The following TM9SF4 variants were observed in gnomAD, a reference collection of about 807,000 sequenced individuals.
The protein encoded by TM9SF4 is transmembrane 9 superfamily member 4, also known as dinucleotide oxidase disulfide thiol exchanger 3 superfamily member 4.
A neutral mutation model predicts 90.4 loss-of-function variants in TM9SF4; 26 were observed. The ratio of observed to expected loss-of-function variants is 0.29; its 90% CI spans 0.21 to 0.40. The LOEUF (loss-of-function observed/expected upper bound fraction) is 0.40, where lower values mean the gene tolerates loss of function less well. Among genes scored for constraint, TM9SF4 ranks in the 10% least tolerant of loss-of-function variants. The pLI, the probability that TM9SF4 is intolerant of heterozygous loss-of-function variation, is 1.00. For missense variants in TM9SF4, 549 were observed against 834.8 expected (o/e 0.66, Z 4.22); for synonymous variants, 293 against 315.4 (o/e 0.93, Z 0.75).
At chr20:32,149,593 C>T (rs763177802) in intron 9 of TM9SF4, 41 bp from the exon 10 acceptor site, 9 of 1,614,054 alleles carry the variant, frequency 5.6e-6, no homozygotes, top group South Asian at 4.4e-5. Flanking sequence ...AGAGCTGCCT[C>T]CATCTTCAAC....
intron 17 of TM9SF4, among the ~76,000 whole-genome samples, chr20:32,163,957 G>A (rs992788489): frequency 3.9e-4 from 60 of 152,068 alleles, no homozygotes; most frequent in Admixed American, 3.8e-3. Context: ...GGTGTTTTGA[G>A]TGTTCCTCAA....
At chr20:32,123,866 A>ATTTTTTTTTTT (rs1165240152) in intron 1 of TM9SF4, among the ~76,000 whole-genome samples, 64 of 93,788 alleles carry the variant, frequency 6.8e-4, no homozygotes, top group South Asian at 1.0e-3. Context: ...ATATATATAT[A>ATTTTTTTTTTT]TTTTTTTTTT....
chr20:32,160,176 A>T (rs1440700721), intron 16 of TM9SF4, 65 bp downstream of exon 16: 1 of 1,608,216 alleles, frequency 6.2e-7, no homozygotes, highest in East Asian at 2.2e-5. Flanking sequence ...CGGGTTGATG[A>T]GGCTCTGCGG....
At chr20:32,146,981 ACT>A in intron 9 of TM9SF4, 126 bp downstream of exon 9, 1 of 818,872 alleles carries the variant, frequency 1.2e-6, no homozygotes, top group Non-Finnish European at 1.8e-6. Context: ...AGTTTAGTAT[ACT>A]TTTTTTTTTT....
Position 32,146,775 on chromosome 20 carries a change from T to A in TM9SF4, c.884-10T>A. The A allele has an allele frequency of 6.2e-7, 1 of 1,613,970 alleles. No homozygotes were observed. Among genetic ancestry groups the A allele is most frequent in the African/African-American group, 1.3e-5 (1 of 75,034 alleles). ...CAACTTCTCCTCATCCTCACCGCCA[T>A]CTATTTCAGGTATCCTGAGCATGAT... On this transcript the variant is annotated splice_polypyrimidine_tract_variant and intron_variant, in intron 8 of 17. Transcript: ENST00000398022.
chr20:32,120,229 G>A (rs1440616697), intron 1 of TM9SF4, among the ~76,000 whole-genome samples: 1 of 152,068 alleles, frequency 6.6e-6, no homozygotes, highest in Non-Finnish European at 1.5e-5. Context: ...GATCAATTTG[G>A]AGAGAACTGA....
At chr20:32,114,341 T>C (rs2295035) in intron 1 of TM9SF4, among the ~76,000 whole-genome samples, 64,836 of 151,972 alleles carry the variant, frequency 0.43, 14,189 homozygotes, top group East Asian at 0.74. Context: ...TGTTTGTTAT[T>C]ATTATTTGAG....
At chr20:32,114,065 T>C (rs1261933173) in intron 1 of TM9SF4, among the ~76,000 whole-genome samples, 1 of 152,234 alleles carries the variant, frequency 6.6e-6, no homozygotes, top group Non-Finnish European at 1.5e-5. Flanking sequence ...AGTTGATGGA[T>C]ATTGGGATTG....
intron 1 of TM9SF4, among the ~76,000 whole-genome samples, chr20:32,114,939 C>T (rs748743045): frequency 2.6e-4 from 40 of 152,208 alleles, no homozygotes; most frequent in Admixed American, 2.1e-3. Context: ...TTGATGATTT[C>T]CAAATTCTGA....
Position 32,165,505 on chromosome 20 carries a change from GA to G in TM9SF4, c.*62del. 14 of 1,585,062 alleles carry G rather than the reference GA, an allele frequency of 8.8e-6. 1 individual carries two copies. In the South Asian group the frequency reaches 1.6e-4, roughly 18 times the overall value. ...GGACAGGAAGCCACCCTGCGTGGGGGACTGCAGGCACGCAAAATAAAATAAC... is the reference window on the plus strand; with the variant it reads ...GGACAGGAAGCCACCCTGCGTGGGGGCTGCAGGCACGCAAAATAAAATAAC... On this transcript the variant is annotated 3_prime_UTR_variant, in exon 18 of 18. Transcript: ENST00000398022.
intron 3 of TM9SF4, among the ~76,000 whole-genome samples, chr20:32,139,880 C>T (rs4911198): frequency 0.69 from 104,874 of 152,224 alleles, 37,890 homozygotes; most frequent in East Asian, 0.99. Flanking sequence ...TTTCTTTGCT[C>T]AGTTAACATC....
At chr20:32,132,367 G>A (rs2046530845) in intron 1 of TM9SF4, among the ~76,000 whole-genome samples, 1 of 151,914 alleles carries the variant, frequency 6.6e-6, no homozygotes, top group East Asian at 1.9e-4. Context: ...TCATGCCATT[G>A]TACTCCAACC....
chr20:32,123,191 GA>G (rs1434230342), intron 1 of TM9SF4, among the ~76,000 whole-genome samples: 21 of 4,466 alleles, frequency 4.7e-3, no homozygotes, highest in South Asian at 0.031. Context: ...GGGAGGGGGA[GA>G]GGGGGAGGGG....
At chr20:32,137,143 C>T (rs1410569239) in intron 3 of TM9SF4, 15 of 433,914 alleles carry the variant, frequency 3.5e-5, no homozygotes, top group Admixed American at 3.4e-4. Context: ...CTGGGCTGGC[C>T]TCTACCAACT....
intron 1 of TM9SF4, among the ~76,000 whole-genome samples, chr20:32,122,860 T>G (rs1271952699): frequency 6.6e-6 from 1 of 151,686 alleles, no homozygotes; most frequent in African/African-American, 2.4e-5. Context: ...TCACGCCACT[T>G]CACTCCAGCC....
intron 12 of TM9SF4, among the ~76,000 whole-genome samples, chr20:32,152,788 G>A (rs1038436261): frequency 1.3e-5 from 2 of 152,186 alleles, no homozygotes; most frequent in African/African-American, 4.8e-5. Flanking sequence ...AGAGGCTGCC[G>A]CCTCCCCCAC....
At chr20:32,126,893 G>A (rs1235752648) in intron 1 of TM9SF4, among the ~76,000 whole-genome samples, 5 of 152,026 alleles carry the variant, frequency 3.3e-5, no homozygotes, top group Non-Finnish European at 4.4e-5. Context: ...CTGCCACCAC[G>A]CCGGCTAATT....
chr20:32,126,930 C>G (rs550212919), intron 1 of TM9SF4, among the ~76,000 whole-genome samples: 1 of 152,154 alleles, frequency 6.6e-6, no homozygotes, highest in East Asian at 1.9e-4. Flanking sequence ...AGACGGGGTT[C>G]ACCATGTTAG....
intron 15 of TM9SF4, chr20:32,159,768 G>A: frequency 1.7e-6 from 1 of 575,908 alleles, no homozygotes; most frequent in Non-Finnish European, 3.1e-6. Flanking sequence ...CTGAGTTCAG[G>A]CTGGGGTCTA....
Sources: gnomAD v4.1 joint callset for allele counts (sites outside exome capture counted in the v4.1 genomes callset) on GRCh38, gnomAD v4.1.1 for gene constraint, MANE v1.5 for transcripts, NCBI Gene and HGNC (gene_info 2026-07-23, HGNC 2026-07-21) for gene names.